RNF11: variants seen among roughly 807,000 people sequenced by gnomAD.
RNF11 encodes the protein ring finger protein 11.
In RNF11, 4 loss-of-function variants were observed where a neutral mutation model predicts 15.8. The ratio of observed to expected loss-of-function variants is 0.25; its 90% CI spans 0.12 to 0.58. The LOEUF (loss-of-function observed/expected upper bound fraction) is 0.58. RNF11 is among the 20% of genes least tolerant of loss of function. RNF11 has a pLI of 0.91. For missense variants in RNF11, 139 were observed against 194.4 expected, an observed-to-expected ratio of 0.71 and a Z score of 1.70; for synonymous variants, 68 against 72.3, an observed-to-expected ratio of 0.94 and a Z score of 0.30.
chr1:51,236,677 A>T lies in RNF11; in HGVS notation c.-80A>T. Reference sequence around the variant, plus strand: ...CCTGTCGCCCGACCCCACCTCGCCAACCGAGGCGGACCGCGGAGTGTGCGA... The same window carrying T: ...CCTGTCGCCCGACCCCACCTCGCCATCCGAGGCGGACCGCGGAGTGTGCGA... On this transcript the variant is annotated 5_prime_UTR_variant, in exon 1 of 3. Transcript: ENST00000242719. 3 of 1,579,478 alleles carry T rather than the reference A, an allele frequency of 1.9e-6. No homozygotes were observed. Among genetic ancestry groups the T allele is most frequent in the Non-Finnish European group, 2.6e-6 (3 of 1,159,188 alleles).
intron 1 of RNF11, among the ~76,000 whole-genome samples, chr1:51,264,287 AATATATATATATATAT>A (rs1162466435): frequency 6.5e-4 from 21 of 32,532 alleles, no homozygotes; most frequent in African/African-American, 1.8e-3. Flanking sequence ...AAAAAAAAAA[AATATATATATATATAT>A]ATATATATAT....
chr1:51,241,210 C>G (rs1646827648), intron 1 of RNF11, among the ~76,000 whole-genome samples: 1 of 152,180 alleles, frequency 6.6e-6, no homozygotes. Context: ...GCCTCAGCCT[C>G]TTGAGTAGCT....
intron 1 of RNF11, among the ~76,000 whole-genome samples, chr1:51,258,096 C>T (rs35618327): frequency 0.041 from 6,213 of 152,066 alleles, 192 homozygotes; most frequent in Non-Finnish European, 0.061. Flanking sequence ...TCAGGTGATC[C>T]GCCTGCCTTG....
Position 51,270,040 on chromosome 1 carries a change from A to G in RNF11, c.208A>G (p.Ile70Val). Residue 70 changes from isoleucine to valine, a missense_variant, in exon 2 of 3, where the codon ATA becomes GTA. By Grantham distance (29) the Ile-to-Val change is conservative. Transcript: ENST00000242719. Reference protein sequence around the residue: ...TQLTEEEQIRIAQRIGLIQHL... With the variant: ...TQLTEEEQIRVAQRIGLIQHL... ...GCTGACTGAAGAGGAACAAATTAGG[A>G]TAGCTCAAAGAATAGGTCTTATACA... The G allele has an allele frequency of 1.2e-6, 2 of 1,613,800 alleles. No homozygotes were observed. The highest frequency in any genetic ancestry group is 1.7e-6 in the Non-Finnish European group (2 of 1,179,812).
At position 51,250,664 on chromosome 1, in the gene RNF11, G is replaced by A. The variant is rs137878593; in HGVS notation, c.123+13785G>A. The A allele has an allele frequency of 1.7e-3, 1,346 of 814,144 alleles. 13 individuals are homozygous for A. The African/African-American group carries it at 0.019, about 12-fold the overall frequency. 50.4% of individuals were successfully genotyped at this position (814,144 alleles called of 1,614,324 possible). A position where few individuals can be genotyped will look rare whatever the true frequency, so the allele number is the denominator to read the frequency against. On this transcript the variant is annotated intron_variant, in intron 1 of 2. Transcript: ENST00000242719. ...AGACTCTGGCGTGGGCCTTGATGAG[G>A]TGGTCAGTGAATTCCTGATCGGGAG...
intron 1 of RNF11, among the ~76,000 whole-genome samples, chr1:51,243,637 C>T (rs1646839898): frequency 6.6e-6 from 1 of 152,144 alleles, no homozygotes; most frequent in Non-Finnish European, 1.5e-5. Flanking sequence ...TGGGGTTTCA[C>T]CATATTGCTC....
intron 1 of RNF11, among the ~76,000 whole-genome samples, chr1:51,245,204 C>T (rs1646846379): frequency 6.6e-6 from 1 of 152,140 alleles, no homozygotes; most frequent in African/African-American, 2.4e-5. Flanking sequence ...GGACTATAGG[C>T]GTGCACCACT....
At chr1:51,261,729 C>T (rs935742481) in intron 1 of RNF11, among the ~76,000 whole-genome samples, 1 of 151,638 alleles carries the variant, frequency 6.6e-6, no homozygotes, top group Non-Finnish European at 1.5e-5. Flanking sequence ...GCTCTGTTGC[C>T]CAGGCTGGAG....
chr1:51,256,235 C>A (rs1405802900), intron 1 of RNF11, among the ~76,000 whole-genome samples: 1 of 152,182 alleles, frequency 6.6e-6, no homozygotes, highest in Non-Finnish European at 1.5e-5. Context: ...ATCCCTCCCC[C>A]CAACACCTGA....
intron 1 of RNF11, among the ~76,000 whole-genome samples, chr1:51,256,628 G>A (rs1646905418): frequency 1.3e-5 from 2 of 152,140 alleles, no homozygotes; most frequent in Admixed American, 1.3e-4. Flanking sequence ...AGTTGTGTGA[G>A]AATTATCAAA....
intron 1 of RNF11, among the ~76,000 whole-genome samples, chr1:51,249,011 A>G (rs936713118): frequency 3.9e-5 from 6 of 152,236 alleles, no homozygotes; most frequent in Non-Finnish European, 7.3e-5. Flanking sequence ...GATTTAAAGT[A>G]TATGGGAGGG....
rs1162466435 is a variant in RNF11 at position 51,264,287 on chromosome 1, AATAT to A, written c.124-5641_124-5638del. Among the ~76,000 whole-genome samples, 239 of 32,498 alleles carry A rather than the reference AATAT, an allele frequency of 7.4e-3. 4 individuals are homozygous for A. The highest frequency in any genetic ancestry group is 0.042 in the Middle Eastern group (1 of 24). The allele number at this position is 32,498 out of a possible 152,430, so 21.3% of individuals were successfully genotyped here. ...AAAAAAAAAAAAAAAAAAAAAAAAA[AATAT>A]ATATATATATATATATATATATATA... On this transcript the variant is annotated intron_variant, in intron 1 of 2. Transcript: ENST00000242719.
At chr1:51,253,300 G>A (rs2148069434) in intron 1 of RNF11, among the ~76,000 whole-genome samples, 1 of 152,180 alleles carries the variant, frequency 6.6e-6, no homozygotes, top group Middle Eastern at 3.4e-3. Flanking sequence ...CAAGGTGAGA[G>A]GATCCCTTAA....
chr1:51,257,168 G>C (rs1646907514), intron 1 of RNF11, among the ~76,000 whole-genome samples: 1 of 152,188 alleles, frequency 6.6e-6, no homozygotes, highest in Non-Finnish European at 1.5e-5. Context: ...AGGATGGCTG[G>C]AGGGGCTGGA....
intron 1 of RNF11, chr1:51,250,943 G>T (rs556305211): frequency 8.1e-6 from 10 of 1,235,120 alleles, no homozygotes; most frequent in South Asian, 2.5e-5. Flanking sequence ...TGCAAGGGAC[G>T]GTGTGGGGCT....
At chr1:51,241,103 C>T (rs1477276114) in intron 1 of RNF11, among the ~76,000 whole-genome samples, 2 of 152,058 alleles carry the variant, frequency 1.3e-5, no homozygotes, top group Non-Finnish European at 2.9e-5. Flanking sequence ...AGGCGTAAGC[C>T]CCTGAGCCTG....
chr1:51,248,582 G>A (rs74704036), intron 1 of RNF11, among the ~76,000 whole-genome samples: 168 of 152,288 alleles, frequency 1.1e-3, no homozygotes, highest in African/African-American at 3.9e-3. Context: ...ACCCCTAGGA[G>A]CCTACAGTTA....
chr1:51,269,810 A>G, intron 1 of RNF11, 146 bp from the exon 2 acceptor site: 1 of 653,860 alleles, frequency 1.5e-6, no homozygotes, highest in East Asian at 2.7e-5. Context: ...AAGTTAAGGC[A>G]GGGTGAAACA....
At chr1:51,256,577 C>T (rs1646905303) in intron 1 of RNF11, among the ~76,000 whole-genome samples, 1 of 151,994 alleles carries the variant, frequency 6.6e-6, no homozygotes, top group Admixed American at 6.6e-5. Context: ...GGGTAAATAC[C>T]AAAGGGTGCA....
Sources: allele counts gnomAD v4.1 joint callset (sites outside exome capture counted in the v4.1 genomes callset), GRCh38; gene constraint gnomAD v4.1.1; transcripts MANE v1.5; gene names NCBI Gene and HGNC (gene_info 2026-07-23, HGNC 2026-07-21).